Variants in CNTNAP3 observed in about 807,000 individuals in gnomAD.
CNTNAP3 encodes contactin associated protein family member 3, also known as contactin-associated protein-like 3.
In CNTNAP3, 36 loss-of-function variants were observed where a neutral mutation model predicts 92.1. The ratio of observed to expected loss-of-function variants is 0.39; its 90% CI spans 0.30 to 0.52. The LOEUF is 0.52. CNTNAP3 is among the 20% of genes least tolerant of loss of function. CNTNAP3 has a pLI of 0.76. For missense variants in CNTNAP3, 534 were observed against 1,069.6 expected (o/e 0.50, Z 6.98); for synonymous variants, 232 against 422.3 (o/e 0.55, Z 5.53).
At chr9:39,096,549 TG>T (rs916086184) in intron 18 of CNTNAP3, among the ~76,000 whole-genome samples, 2 of 151,618 alleles carry the variant, frequency 1.3e-5, no homozygotes, top group Non-Finnish European at 2.9e-5. Context: ...CATTTCTTTT[TG>T]TTAGGAACAT....
chr9:39,122,198 G>GA (rs1451328361), intron 13 of CNTNAP3, among the ~76,000 whole-genome samples: 3 of 152,068 alleles, frequency 2.0e-5, no homozygotes, highest in East Asian at 3.9e-4. Flanking sequence ...ACTAAAAATA[G>GA]AAAAAAATTA....
At chr9:39,089,862 G>A (rs1234789758) in intron 18 of CNTNAP3, among the ~76,000 whole-genome samples, 3 of 152,024 alleles carry the variant, frequency 2.0e-5, no homozygotes, top group East Asian at 3.9e-4. Context: ...ATTTGCTGAA[G>A]AAATATCTAT....
At chr9:39,075,048 G>C (rs1367731645) in intron 23 of CNTNAP3, among the ~76,000 whole-genome samples, 1 of 132,616 alleles carries the variant, frequency 7.5e-6, no homozygotes, top group African/African-American at 2.8e-5. Flanking sequence ...GATTACAGGC[G>C]TGAGCCACCG....
intron 10 of CNTNAP3, among the ~76,000 whole-genome samples, chr9:39,148,419 T>C (rs555048906): frequency 2.6e-5 from 4 of 152,298 alleles, no homozygotes; most frequent in African/African-American, 7.2e-5. Flanking sequence ...AAAACCTGTT[T>C]AGCCAGAGAG....
chr9:39,137,005 G>C (rs1006436509), intron 12 of CNTNAP3, among the ~76,000 whole-genome samples: 17 of 152,042 alleles, frequency 1.1e-4, no homozygotes, highest in Admixed American at 7.9e-4. Context: ...TAAACTTCCT[G>C]GATTTGTGGT....
rs1825555133 is a variant in CNTNAP3 at position 39,068,253 on chromosome 9, A to G, written c.*5637T>C. ...CCTCCACTAAAAATACAAAAAAAAA[A>G]AAAAAAAAAAAAATTAGCTGGGCAT... On this transcript the variant is annotated 3_prime_UTR_variant, in exon 24 of 24. Transcript: ENST00000297668. 1.3e-5 allele frequency among the ~76,000 whole-genome samples: 2 copies of G among 152,232 alleles called. No homozygotes were observed. The highest frequency in any genetic ancestry group is 6.5e-5 in the Admixed American group (1 of 15,280).
At chr9:39,086,360 C>T (rs1432026162) in intron 20 of CNTNAP3, 3 of 272,406 alleles carry the variant, frequency 1.1e-5, no homozygotes, top group Non-Finnish European at 2.0e-5. Flanking sequence ...CAGAATAAGA[C>T]AAGTTCCCAC....
In CNTNAP3 at chr9:39,105,193, C is replaced by T. The variant is rs1319182322; in HGVS notation, c.2366-1279G>A. On this transcript the variant is annotated intron_variant, in intron 15 of 23. Transcript: ENST00000297668. ...CTGTAACCCCAGCACTTTGGGAGGC[C>T]AAGGCGGGCGGATCATGAAGTCAGG... Among the ~76,000 whole-genome samples the T allele has an allele frequency of 2.0e-4, 30 of 152,216 alleles. 1 individual carries two copies. The highest frequency in any genetic ancestry group is 1.0e-3 in the South Asian group (5 of 4,820).
At chr9:39,074,868 A>C (rs1825713237) in intron 23 of CNTNAP3, among the ~76,000 whole-genome samples, 1 of 152,248 alleles carries the variant, frequency 6.6e-6, no homozygotes, top group African/African-American at 2.4e-5. Flanking sequence ...TCCCAGGTTC[A>C]CGCCATTCTC....
chr9:39,106,591 T>C (rs1464565182), intron 15 of CNTNAP3: 2 of 152,182 alleles, frequency 1.3e-5, no homozygotes, highest in South Asian at 2.1e-4. Flanking sequence ...CTCTTCTCCA[T>C]ACTTTCAGAA....
Position 39,073,927 on chromosome 9 carries a change from T to C in CNTNAP3, c.3830A>G (p.Glu1277Gly), listed in dbSNP as rs1248063516. The C allele has an allele frequency of 1.3e-6, 2 of 1,596,920 alleles. No homozygotes were observed. The highest frequency in any genetic ancestry group is 1.3e-5 in the African/African-American group (1 of 74,890). The part of the protein sequence containing the change: ...RIYQQRKLRK[E>G]NESKVSKKEE... ...TTTTTTTGAGACTTTTGACTCATTT[T>C]CTTTGCGTAACTTTCTCTGTTGATA... Residue 1277 changes from glutamate to glycine, a missense_variant, in exon 24 of 24, where the codon GAA (glutamate) becomes GGA (glycine). Glu to Gly is a moderately conservative substitution (Grantham distance 98). Coordinates refer to ENST00000297668, the MANE Select transcript of CNTNAP3 (RefSeq NM_033655.5).
rs1290946129 is a variant in CNTNAP3, at chr9:39,078,682, C to A, written c.3673+8G>T. ...GTTTCAGGTGCGCAGGGGTGGAGGG[C>A]CACACACCTGCGCCCCCCGCGAGTC... On this transcript the variant is annotated splice_region_variant and intron_variant, in intron 22 of 23. Transcript: ENST00000297668. 2.6e-6 allele frequency: 4 copies of A among 1,546,144 alleles called. No homozygotes were observed. The highest frequency in any genetic ancestry group is 3.5e-6 in the Non-Finnish European group (4 of 1,146,480).
At chr9:39,159,225 C>G (rs1294751688) in intron 9 of CNTNAP3, 2 of 149,894 alleles carry the variant, frequency 1.3e-5, no homozygotes, top group African/African-American at 4.9e-5. Flanking sequence ...CGCTGTGTCC[C>G]TATATGGTTC....
At position 39,071,270 on chromosome 9, in the gene CNTNAP3, TAGTA is replaced by T. The variant is rs1825630326; in HGVS notation, c.*2616_*2619del. The stretch of plus-strand genomic sequence containing the variant: ...CGGGGTAGAATATGTCACGTATCAG[TAGTA>T]ACTACTATCAAAGTATGTTAAGTTT... On this transcript the variant is annotated 3_prime_UTR_variant, in exon 24 of 24. Transcript: ENST00000297668. 6.6e-6 allele frequency among the ~76,000 whole-genome samples: 1 copy of T among 150,520 alleles called. No homozygotes were observed. Among genetic ancestry groups the T allele is most frequent in the African/African-American group, 2.5e-5 (1 of 40,304 alleles).
intron 14 of CNTNAP3, among the ~76,000 whole-genome samples, chr9:39,115,409 G>C (rs890862733): frequency 1.3e-5 from 2 of 150,698 alleles, no homozygotes; most frequent in African/African-American, 4.9e-5. Context: ...CATGAGACTG[G>C]TAAATTCCAT....
chr9:39,145,743 T>G (rs377390619), intron 10 of CNTNAP3, among the ~76,000 whole-genome samples: 1 of 133,722 alleles, frequency 7.5e-6, no homozygotes, highest in Non-Finnish European at 1.7e-5. Context: ...TTAGGGGCCA[T>G]GAGAATCACA....
rs60068368 is a variant in CNTNAP3 at position 39,104,477 on chromosome 9, T to TACACACACACACACACACACAC, written c.2366-585_2366-564dup. Among the ~76,000 whole-genome samples, 16 of 123,108 alleles carry TACACACACACACACACACACAC rather than the reference T, an allele frequency of 1.3e-4. 1 individual carries two copies. The highest frequency in any genetic ancestry group is 2.9e-4 in the South Asian group (1 of 3,490). The allele number at this position is 123,108 out of a possible 152,430, so 80.8% of individuals were successfully genotyped here. A position where few individuals can be genotyped will look rare whatever the true frequency, so the allele number is the denominator to read the frequency against. On this transcript the variant is annotated intron_variant, in intron 15 of 23. Transcript: ENST00000297668. ...TTGCTTTCCTTCCTGCACATACACATACACACACACACACACACACACACA... is the reference window on the plus strand; with the variant it reads ...TTGCTTTCCTTCCTGCACATACACATACACACACACACACACACACACACACACACACACACACACACACACA...
At chr9:39,134,209 C>T (rs1402824725) in intron 12 of CNTNAP3, among the ~76,000 whole-genome samples, 1 of 152,024 alleles carries the variant, frequency 6.6e-6, no homozygotes, top group African/African-American at 2.4e-5. Context: ...TCTCTTTAGT[C>T]ACAGAACCCA....
chr9:39,148,809 G>A (rs1821770364), intron 10 of CNTNAP3, among the ~76,000 whole-genome samples: 4 of 152,218 alleles, frequency 2.6e-5, no homozygotes, highest in African/African-American at 9.6e-5. Flanking sequence ...ACAGGCGTGA[G>A]CCACGGCGCC....
Sources: gnomAD v4.1 joint callset for allele counts (sites outside exome capture counted in the v4.1 genomes callset) on GRCh38, gnomAD v4.1.1 for gene constraint, MANE v1.5 for transcripts, NCBI Gene and HGNC (gene_info 2026-07-23, HGNC 2026-07-21) for gene names.